Variants in EXOC4 observed in about 807,000 individuals in gnomAD.
EXOC4 encodes exocyst complex component 4, also known as SEC8-like 1.
Under a neutral mutation model 107.2 loss-of-function variants are expected in EXOC4, and 71 were observed. The observed-to-expected ratio is 0.66, with a 90% CI of 0.55 to 0.81. The LOEUF is 0.81. Ranked by LOEUF, EXOC4 falls within the 30% of genes least tolerant of loss-of-function variation. EXOC4 has a pLI of 0.00. For synonymous variants in EXOC4, 456 were observed against 441.2 expected, an observed-to-expected ratio of 1.03 and a Z score of -0.42; for missense variants, 1,108 against 1,189.6, an observed-to-expected ratio of 0.93 and a Z score of 1.01.
intron 12 of EXOC4, among the ~76,000 whole-genome samples, chr7:133,898,517 A>C (rs1173648014): frequency 6.8e-6 from 1 of 146,584 alleles, no homozygotes; most frequent in Admixed American, 6.7e-5. Context: ...AGGCCGAGGC[A>C]GGCGGATCAC....
intron 7 of EXOC4, among the ~76,000 whole-genome samples, chr7:133,467,553 G>C (rs1412262938): frequency 7.0e-6 from 1 of 143,246 alleles, no homozygotes; most frequent in Admixed American, 6.9e-5. Flanking sequence ...TTTTGTATTT[G>C]GCTTCAGTTC....
intron 7 of EXOC4, among the ~76,000 whole-genome samples, chr7:133,456,675 G>T (rs1228026358): frequency 6.6e-6 from 1 of 152,064 alleles, no homozygotes; most frequent in Admixed American, 6.6e-5. Flanking sequence ...CTCATTTTTG[G>T]GCTGCAGCTC....
the EXOC4 span, among the ~76,000 whole-genome samples, chr7:134,099,396 C>T: frequency 6.6e-6 from 1 of 152,046 alleles, no homozygotes; most frequent in Non-Finnish European, 1.5e-5. Context: ...GACAGCTGTC[C>T]TGTCTTATAC....
At chr7:134,088,097 A>G in the EXOC4 span, among the ~76,000 whole-genome samples, 2 of 152,176 alleles carry the variant, frequency 1.3e-5, no homozygotes, top group African/African-American at 4.8e-5. Flanking sequence ...AGAAAGTGAC[A>G]TTCTTTACTT....
At chr7:133,255,142 T>C (rs1262758461) in intron 1 of EXOC4, among the ~76,000 whole-genome samples, 1 of 151,648 alleles carries the variant, frequency 6.6e-6, no homozygotes, top group Non-Finnish European at 1.5e-5. Flanking sequence ...TTTTTTACTT[T>C]GATCTCTGTT....
intron 10 of EXOC4, among the ~76,000 whole-genome samples, chr7:133,792,891 G>C (rs1796734490): frequency 6.6e-6 from 1 of 152,116 alleles, no homozygotes; most frequent in Non-Finnish European, 1.5e-5. Flanking sequence ...GTCTATTCTA[G>C]GTGGATTTGG....
intron 7 of EXOC4, among the ~76,000 whole-genome samples, chr7:133,384,156 G>A (rs1796676281): frequency 6.6e-6 from 1 of 152,124 alleles, no homozygotes; most frequent in Non-Finnish European, 1.5e-5. Context: ...GGTGTCTAAT[G>A]CATAGTGAAG....
At chr7:133,314,735 C>A (rs1285937913) in intron 4 of EXOC4, among the ~76,000 whole-genome samples, 6 of 152,134 alleles carry the variant, frequency 3.9e-5, no homozygotes, top group Non-Finnish European at 8.8e-5. Flanking sequence ...TTAGGTGTGG[C>A]AGGCAGTATT....
At chr7:133,355,703 G>C (rs1216770468) in intron 5 of EXOC4, among the ~76,000 whole-genome samples, 1 of 151,370 alleles carries the variant, frequency 6.6e-6, no homozygotes, top group Non-Finnish European at 1.5e-5. Context: ...AGCAAGATCT[G>C]TCTCCTATAG....
At chr7:133,397,076 T>C (rs1290157114) in intron 7 of EXOC4, among the ~76,000 whole-genome samples, 1 of 152,150 alleles carries the variant, frequency 6.6e-6, no homozygotes, top group Admixed American at 6.5e-5. Flanking sequence ...CATCTAGTCA[T>C]TGTATCTAGG....
intron 7 of EXOC4, among the ~76,000 whole-genome samples, chr7:133,456,650 C>T (rs986384095): frequency 2.0e-5 from 3 of 152,170 alleles, no homozygotes; most frequent in Admixed American, 2.0e-4. Flanking sequence ...GGTGTACCTT[C>T]CCAAGTTCTC....
At chr7:133,834,897 T>TG (rs34713396) in intron 11 of EXOC4, among the ~76,000 whole-genome samples, 47 of 152,158 alleles carry the variant, frequency 3.1e-4, no homozygotes, top group East Asian at 1.2e-3. Context: ...AATTATGGGT[T>TG]GGGGGGGTCT....
chr7:133,629,983 TG>T, intron 9 of EXOC4, 61 bp from the exon 10 acceptor site: 1 of 1,212,330 alleles, frequency 8.2e-7, no homozygotes, highest in Non-Finnish European at 1.2e-6. Flanking sequence ...TAGATATGCT[TG>T]GTTTGTTTAT....
intron 9 of EXOC4, among the ~76,000 whole-genome samples, chr7:133,613,454 C>T (rs1391246709): frequency 6.6e-6 from 1 of 152,114 alleles, no homozygotes; most frequent in East Asian, 1.9e-4. Context: ...TTTCATACGG[C>T]AGTGAGAAGT....
At chr7:133,577,467 T>G (rs751866306) in intron 9 of EXOC4, among the ~76,000 whole-genome samples, 2 of 152,244 alleles carry the variant, frequency 1.3e-5, no homozygotes, top group Non-Finnish European at 2.9e-5. Context: ...AGAAGATCTC[T>G]TAAATAGCAT....
At chr7:133,478,751 T>C (rs1223329230) in intron 8 of EXOC4, among the ~76,000 whole-genome samples, 1 of 152,214 alleles carries the variant, frequency 6.6e-6, no homozygotes, top group Non-Finnish European at 1.5e-5. Flanking sequence ...GCCTCTCTAT[T>C]CTTTGCTTAA....
intron 7 of EXOC4, among the ~76,000 whole-genome samples, chr7:133,454,032 A>G (rs540669918): frequency 6.6e-6 from 1 of 152,192 alleles, no homozygotes; most frequent in South Asian, 2.1e-4. Context: ...CTGGCATTTC[A>G]AGACAATTTA....
At chr7:133,813,750 C>A (rs933273275) in intron 10 of EXOC4, among the ~76,000 whole-genome samples, 3 of 152,110 alleles carry the variant, frequency 2.0e-5, no homozygotes, top group African/African-American at 4.8e-5. Flanking sequence ...AGTTAAGAAG[C>A]CTCAATGCTC....
At chr7:134,014,927 T>C (rs771552731) in intron 17 of EXOC4, among the ~76,000 whole-genome samples, 48 of 152,352 alleles carry the variant, frequency 3.2e-4, no homozygotes, top group Admixed American at 1.4e-3. Context: ...ATTTTTTAGT[T>C]TCCCTAATCC....
Sources: allele counts gnomAD v4.1 joint callset (sites outside exome capture counted in the v4.1 genomes callset), GRCh38; gene constraint gnomAD v4.1.1; transcripts MANE v1.5; gene names NCBI Gene and HGNC (gene_info 2026-07-23, HGNC 2026-07-21).